The following ADGRL2 variants were observed in gnomAD, a reference collection of about 807,000 sequenced individuals.
ADGRL2 encodes the protein calcium-independent alpha-latrotoxin receptor 2.
A neutral mutation model predicts 157.4 loss-of-function variants in ADGRL2; 44 were observed. The ratio of observed to expected loss-of-function variants is 0.28; its 90% CI spans 0.22 to 0.36. The LOEUF is 0.36. Among genes scored for constraint, ADGRL2 ranks in the 10% least tolerant of loss-of-function variants. ADGRL2 has a pLI of 1.00. For missense variants in ADGRL2, 1,510 were observed against 1,768.9 expected, an observed-to-expected ratio of 0.85 and a Z score of 2.63; for synonymous variants, 585 against 624.7, an observed-to-expected ratio of 0.94 and a Z score of 0.95.
At chr1:81,539,007 C>CA (rs71242586) in intron 2 of ADGRL2, among the ~76,000 whole-genome samples, 23,532 of 82,366 alleles carry the variant, frequency 0.29, 3,244 homozygotes, top group Non-Finnish European at 0.36. Flanking sequence ...GACCCTGTCT[C>CA]AAAAAAAAAA....
At chr1:81,390,351 G>A (rs1324442720) in intron 1 of ADGRL2, among the ~76,000 whole-genome samples, 2 of 152,308 alleles carry the variant, frequency 1.3e-5, no homozygotes, top group Non-Finnish European at 2.9e-5. Flanking sequence ...AGAAACTTGG[G>A]AGAGCTGCAG....
rs1369168455 is a variant in ADGRL2, at chr1:81,511,376, A to AG, written c.-248+66288dup. Among the ~76,000 whole-genome samples the AG allele has an allele frequency of 5.8e-5, 7 of 121,518 alleles. 1 individual carries two copies. Among genetic ancestry groups the AG allele is most frequent in the African/African-American group, 2.1e-4 (6 of 29,130 alleles). 79.7% of individuals were successfully genotyped at this position (121,518 alleles called of 152,430 possible). On this transcript the variant is annotated intron_variant, in intron 2 of 24. Coordinates refer to the ADGRL2 transcript ENST00000370721. ...AGGTAACACAGCAAGACCTTGTCTC[A>AG]GAAAAAAAAAAAAAAAAAAGCGCGC... is the stretch of plus-strand genomic sequence containing the variant.
intron 2 of ADGRL2, among the ~76,000 whole-genome samples, chr1:81,844,592 C>G (rs1338707906): frequency 6.6e-6 from 1 of 152,156 alleles, no homozygotes; most frequent in Non-Finnish European, 1.5e-5. Context: ...CTCTGCAAGA[C>G]AAAGAATGAC....
chr1:81,569,915 T>C (rs1454709420), intron 2 of ADGRL2, among the ~76,000 whole-genome samples: 1 of 152,188 alleles, frequency 6.6e-6, no homozygotes, highest in Non-Finnish European at 1.5e-5. Flanking sequence ...GCTTCTAAGA[T>C]GCCTCACTCA....
chr1:81,462,357 C>T lies in ADGRL2; in HGVS notation c.-248+17268C>T, dbSNP rs563469304. On this transcript the variant is annotated intron_variant, in intron 2 of 24. Coordinates refer to the ADGRL2 transcript ENST00000370721. ...AGTTCTTTTGCTGTTTATCATAAAT[C>T]TTGCTGCTACTCAGTCTTTGGGTCT... Among the ~76,000 whole-genome samples, 4 of 152,288 alleles carry T rather than the reference C, an allele frequency of 2.6e-5. No homozygotes were observed. In the South Asian group the frequency reaches 8.3e-4, roughly 32 times the overall value.
At chr1:81,396,042 G>T (rs1474702785) in intron 1 of ADGRL2, among the ~76,000 whole-genome samples, 1 of 151,930 alleles carries the variant, frequency 6.6e-6, no homozygotes, top group African/African-American at 2.4e-5. Flanking sequence ...TTAATTTTAG[G>T]ATTTTTTTCC....
At chr1:81,539,917 T>G (rs1270793076) in intron 2 of ADGRL2, among the ~76,000 whole-genome samples, 1 of 152,194 alleles carries the variant, frequency 6.6e-6, no homozygotes, top group African/African-American at 2.4e-5. Flanking sequence ...TGTTTTTATT[T>G]TTGAGATTCT....
intron 2 of ADGRL2, among the ~76,000 whole-genome samples, chr1:81,850,290 C>T (rs1371704374): frequency 2.0e-5 from 3 of 151,738 alleles, no homozygotes; most frequent in Non-Finnish European, 2.9e-5. Context: ...TGTCTTAGCA[C>T]TGCTTTAAGT....
At chr1:81,662,518 A>G (rs1240633698) in intron 3 of ADGRL2, among the ~76,000 whole-genome samples, 6 of 151,252 alleles carry the variant, frequency 4.0e-5, no homozygotes, top group Admixed American at 1.3e-4. Context: ...TGCTGGGATT[A>G]CAGGCGTGAG....
At chr1:81,332,738 T>C (rs1186464729) in intron 1 of ADGRL2, among the ~76,000 whole-genome samples, 1 of 152,336 alleles carries the variant, frequency 6.6e-6, no homozygotes, top group Non-Finnish European at 1.5e-5. Context: ...CATATGTGCC[T>C]TTCACCTTAT....
At chr1:81,333,153 T>G (rs1442779721) in intron 1 of ADGRL2, among the ~76,000 whole-genome samples, 1 of 152,140 alleles carries the variant, frequency 6.6e-6, no homozygotes, top group Admixed American at 6.5e-5. Context: ...AGGCTTTCCT[T>G]AGCATCTACC....
chr1:81,385,744 A>C (rs1412654814), intron 1 of ADGRL2, among the ~76,000 whole-genome samples: 1 of 152,154 alleles, frequency 6.6e-6, no homozygotes, highest in East Asian at 1.9e-4. Flanking sequence ...TTTCATTAAG[A>C]GCTAACATAA....
chr1:81,421,720 G>A (rs2101547145), intron 1 of ADGRL2, among the ~76,000 whole-genome samples: 1 of 150,430 alleles, frequency 6.6e-6, no homozygotes, highest in South Asian at 2.1e-4. Context: ...TGCCTCCCCA[G>A]AATATATAGC....
chr1:81,474,208 A>G (rs1440481821), intron 2 of ADGRL2, among the ~76,000 whole-genome samples: 2 of 152,234 alleles, frequency 1.3e-5, no homozygotes, highest in Non-Finnish European at 2.9e-5. Context: ...TACATGAAAA[A>G]TACTAGAAAA....
intron 3 of ADGRL2, 60 bp from the exon 4 acceptor site, chr1:81,936,668 T>G: frequency 1.0e-6 from 1 of 987,992 alleles, no homozygotes; most frequent in Non-Finnish European, 1.5e-6. Context: ...CTATGTTATA[T>G]TTAAGTGAAA....
At chr1:81,392,276 C>A (rs1289938451) in intron 1 of ADGRL2, among the ~76,000 whole-genome samples, 1 of 151,596 alleles carries the variant, frequency 6.6e-6, no homozygotes, top group Non-Finnish European at 1.5e-5. Context: ...AAAGAAACCT[C>A]CTGCCTGGAT....
chr1:81,967,676 C>T (rs11163401), intron 13 of ADGRL2, among the ~76,000 whole-genome samples: 58,400 of 151,976 alleles, frequency 0.38, 11,811 homozygotes, highest in East Asian at 0.69. Context: ...ATTTTTAAAA[C>T]ATTTGGTCCG....
At chr1:81,741,647 A>G (rs1337845939) in intron 1 of ADGRL2, among the ~76,000 whole-genome samples, 1 of 152,012 alleles carries the variant, frequency 6.6e-6, no homozygotes, top group Admixed American at 6.6e-5. Flanking sequence ...TTTTCTTAGT[A>G]AGAGAAATCA....
chr1:81,387,570 G>A (rs951314643), intron 1 of ADGRL2, among the ~76,000 whole-genome samples: 5 of 152,062 alleles, frequency 3.3e-5, no homozygotes, highest in African/African-American at 1.2e-4. Flanking sequence ...GAAACTGAAG[G>A]TCACTTGGCC....
Sources: allele counts gnomAD v4.1 joint callset (sites outside exome capture counted in the v4.1 genomes callset), GRCh38; gene constraint gnomAD v4.1.1; transcripts MANE v1.5; gene names NCBI Gene and HGNC (gene_info 2026-07-23, HGNC 2026-07-21).